The following RPGRIP1L variants were observed in gnomAD, a reference collection of about 807,000 sequenced individuals.
The protein encoded by RPGRIP1L is protein fantom.
Under a neutral mutation model 160.4 loss-of-function variants are expected in RPGRIP1L, and 131 were observed. That is an observed-to-expected ratio of 0.82 (90% CI 0.71 to 0.94). The LOEUF is 0.94. Among genes scored for constraint, RPGRIP1L ranks in the 40% least tolerant of loss-of-function variants. The pLI is 0.00. For synonymous variants in RPGRIP1L, 510 were observed against 515.8 expected (o/e 0.99, Z 0.15); for missense variants, 1,522 against 1,535.8 (o/e 0.99, Z 0.15).
intron 23 of RPGRIP1L, among the ~76,000 whole-genome samples, chr16:53,620,200 T>C (rs976410865): frequency 6.6e-6 from 1 of 152,204 alleles, no homozygotes; most frequent in South Asian, 2.1e-4. Flanking sequence ...ACCATAGTGG[T>C]TACTTAGATA....
At chr16:53,667,094 A>G (rs1968331567) in intron 9 of RPGRIP1L, among the ~76,000 whole-genome samples, 1 of 152,168 alleles carries the variant, frequency 6.6e-6, no homozygotes, top group African/African-American at 2.4e-5. Context: ...AGAACTTTTT[A>G]TTCATGAAAA....
chr16:53,649,827 G>C (rs1158571942), intron 15 of RPGRIP1L, among the ~76,000 whole-genome samples: 1 of 152,110 alleles, frequency 6.6e-6, no homozygotes, highest in African/African-American at 2.4e-5. Context: ...CTGTTTACCA[G>C]CCTATTTCTC....
intron 25 of RPGRIP1L, among the ~76,000 whole-genome samples, chr16:53,606,953 C>A (rs559071288): frequency 2.6e-5 from 4 of 152,180 alleles, no homozygotes; most frequent in South Asian, 4.2e-4. Context: ...TCCTTTAGGT[C>A]AAAATCAAAG....
intron 5 of RPGRIP1L, among the ~76,000 whole-genome samples, 196 bp downstream of exon 5, chr16:53,687,667 T>C (rs181949776): frequency 8.0e-4 from 122 of 152,202 alleles, no homozygotes; most frequent in African/African-American, 2.9e-3. Flanking sequence ...AATCCTTCCA[T>C]TGAGGCAGCT....
chr16:53,675,979 T>G (rs181019209), intron 6 of RPGRIP1L, among the ~76,000 whole-genome samples: 73 of 152,156 alleles, frequency 4.8e-4, no homozygotes, highest in Non-Finnish European at 3.7e-4. Context: ...CAGAGTTCAC[T>G]TTTAGGAAAA....
intron 24 of RPGRIP1L, among the ~76,000 whole-genome samples, chr16:53,617,212 C>T (rs752812624): frequency 1.4e-4 from 21 of 151,534 alleles, no homozygotes; most frequent in Non-Finnish European, 2.4e-4. Flanking sequence ...ATTTGTATTG[C>T]TCTTCAAGCA....
At chr16:53,687,026 G>T (rs1432444927) in intron 5 of RPGRIP1L, among the ~76,000 whole-genome samples, 1 of 152,144 alleles carries the variant, frequency 6.6e-6, no homozygotes, top group Non-Finnish European at 1.5e-5. Flanking sequence ...ATGTCTGGCA[G>T]CATCACACTG....
intron 14 of RPGRIP1L, 33 bp from the exon 15 acceptor site, chr16:53,653,020 A>G (rs1184008077): frequency 1.3e-6 from 2 of 1,556,094 alleles, no homozygotes; most frequent in East Asian, 2.2e-5. Flanking sequence ...TAGAGATTTC[A>G]AAATATTGAC....
chr16:53,642,856 C>T (rs1007195617), intron 17 of RPGRIP1L, among the ~76,000 whole-genome samples: 2 of 152,168 alleles, frequency 1.3e-5, no homozygotes, highest in African/African-American at 2.4e-5. Context: ...CCAGAGGCAT[C>T]GTTAAAAACA....
At chr16:53,684,141 G>T (rs969826131) in intron 6 of RPGRIP1L, among the ~76,000 whole-genome samples, 1 of 152,172 alleles carries the variant, frequency 6.6e-6, no homozygotes, top group Non-Finnish European at 1.5e-5. Context: ...TTACACTGTT[G>T]GTGGGACTGG....
rs377528237 is a variant in RPGRIP1L, at chr16:53,623,663, T to C, written c.3295-1307A>G. On this transcript the variant is annotated intron_variant, in intron 22 of 26. Coordinates refer to ENST00000647211, the MANE Select transcript of RPGRIP1L (RefSeq NM_015272.5). ...CTCTCCTTTATGACAGCAATACTGA[T>C]CTCTAAGAGCAAGTTGGTTGTTTCC... 9.9e-5 allele frequency among the ~76,000 whole-genome samples: 15 copies of C among 152,236 alleles called. No individual in the cohort carries two copies. In the East Asian group the frequency reaches 1.9e-3, roughly 20 times the overall value.
intron 22 of RPGRIP1L, among the ~76,000 whole-genome samples, chr16:53,625,388 TG>T (rs968338195): frequency 4.2e-5 from 6 of 141,896 alleles, no homozygotes; most frequent in East Asian, 2.6e-4. Context: ...GTCTGGGAAC[TG>T]GGGGGGGCGC....
At position 53,598,586 on chromosome 16, in the gene RPGRIP1L, C is replaced by T. The variant is rs1469580948; in HGVS notation, c.*3490G>A. 1 of 152,128 alleles carries T rather than the reference C, an allele frequency of 6.6e-6. No individual in the cohort carries two copies. Among genetic ancestry groups the T allele is most frequent in the Non-Finnish European group, 1.5e-5 (1 of 68,000 alleles). 9.4% of individuals were successfully genotyped at this position (152,128 alleles called of 1,614,324 possible). On this transcript the variant is annotated 3_prime_UTR_variant, in exon 27 of 27. Transcript: ENST00000647211. Reference sequence around the variant, plus strand: ...TTCTATATTTTTAGTTTTAAAAACACTTGTTTCTCTTGCTTTGATATTTTC... The same window carrying T: ...TTCTATATTTTTAGTTTTAAAAACATTTGTTTCTCTTGCTTTGATATTTTC...
intron 9 of RPGRIP1L, among the ~76,000 whole-genome samples, chr16:53,669,118 T>A (rs957178809): frequency 1.3e-5 from 2 of 152,300 alleles, no homozygotes; most frequent in South Asian, 4.1e-4. Context: ...TGAACATTAG[T>A]TGTTGGCAAT....
At chr16:53,625,084 G>A (rs866570836) in intron 22 of RPGRIP1L, among the ~76,000 whole-genome samples, 4 of 152,156 alleles carry the variant, frequency 2.6e-5, no homozygotes, top group Non-Finnish European at 4.4e-5. Context: ...TGCCCAGGCT[G>A]GAGTGCAGTG....
chr16:53,662,171 T>C (rs912802648), intron 10 of RPGRIP1L, among the ~76,000 whole-genome samples: 1 of 152,130 alleles, frequency 6.6e-6, no homozygotes, highest in Non-Finnish European at 1.5e-5. Context: ...CAGCACACCA[T>C]TAATAAGCAG....
intron 15 of RPGRIP1L, 40 bp from the exon 16 acceptor site, chr16:53,649,155 T>C (rs1380105727): frequency 6.4e-7 from 1 of 1,554,022 alleles, no homozygotes; most frequent in Non-Finnish European, 8.9e-7. Context: ...AATAGTTTCA[T>C]ACATTAAAAT....
chr16:53,631,672 T>G (rs1192077730), intron 22 of RPGRIP1L, among the ~76,000 whole-genome samples: 1 of 151,500 alleles, frequency 6.6e-6, no homozygotes, highest in Admixed American at 6.8e-5. Context: ...ATTATTCAAA[T>G]TAATAAAATA....
chr16:53,673,454 T>G (rs1258450900), intron 7 of RPGRIP1L, among the ~76,000 whole-genome samples: 1 of 152,192 alleles, frequency 6.6e-6, no homozygotes, highest in Non-Finnish European at 1.5e-5. Flanking sequence ...CAGCCTTGGA[T>G]GGTCAGCTTT....
Sources: gnomAD v4.1 joint callset for allele counts (sites outside exome capture counted in the v4.1 genomes callset) on GRCh38, gnomAD v4.1.1 for gene constraint, MANE v1.5 for transcripts, NCBI Gene and HGNC (gene_info 2026-07-23, HGNC 2026-07-21) for gene names.